The following DNAH11 variants were observed in gnomAD, a reference collection of about 807,000 sequenced individuals.
DNAH11 encodes the protein dynein axonemal heavy chain 11.
Under a neutral mutation model 526.0 loss-of-function variants are expected in DNAH11, and 442 were observed. The ratio of observed to expected loss-of-function variants is 0.84; its 90% confidence interval spans 0.78 to 0.91. The LOEUF (loss-of-function observed/expected upper bound fraction) is 0.91. DNAH11 is among the 40% of genes least tolerant of loss of function. The pLI is 0.00. For synonymous variants in DNAH11, 2,461 were observed against 1,935.9 expected, an observed-to-expected ratio of 1.27 and a Z score of -7.12; for missense variants, 6,989 against 5,448.7, an observed-to-expected ratio of 1.28 and a Z score of -8.90.
In DNAH11 at chr7:21,582,763, A is replaced by G. The variant is rs113441653; in HGVS notation, c.1710+742A>G. 5.3e-3 allele frequency among the ~76,000 whole-genome samples: 811 copies of G among 152,298 alleles called. 15 individuals are homozygous for G. The highest frequency in any genetic ancestry group is 0.019 in the African/African-American group (770 of 41,572). The stretch of plus-strand genomic sequence containing the variant: ...AATTAGATAACGTCCCAAAAGAGGG[A>G]TGGAGGGTTCAATATCAGAAGAAAA... On this transcript the variant is annotated intron_variant, in intron 9 of 81. Coordinates refer to ENST00000409508, the MANE Select transcript of DNAH11 (RefSeq NM_001277115.2).
intron 6 of DNAH11, among the ~76,000 whole-genome samples, chr7:21,565,719 C>T (rs755626795): frequency 6.6e-6 from 1 of 152,164 alleles, no homozygotes; most frequent in Non-Finnish European, 1.5e-5. Flanking sequence ...ATGCCTAGTC[C>T]ATGGCTATTG....
At chr7:21,544,005 C>T (rs988557155) in intron 1 of DNAH11, among the ~76,000 whole-genome samples, 2 of 152,116 alleles carry the variant, frequency 1.3e-5, no homozygotes, top group Non-Finnish European at 1.5e-5. Context: ...GCATGTAACT[C>T]GTCACGTATT....
At position 21,793,615 on chromosome 7, in the gene DNAH11, C is replaced by CAAA. The variant is rs35648252; in HGVS notation, c.10026+4287_10026+4289dup. 7.7e-3 allele frequency among the ~76,000 whole-genome samples: 813 copies of CAAA among 106,024 alleles called. 10 individuals carry two copies. Among genetic ancestry groups the CAAA allele is most frequent in the African/African-American group, 0.023 (683 of 29,504 alleles). The allele number at this position is 106,024 out of a possible 152,430, so 69.6% of individuals were successfully genotyped here. ...TGGATGACAGAGTGAGACTCTGTCT[C>CAAA]AAAAAAAAAAAAAAAAGAATTTGTA... is the stretch of plus-strand genomic sequence containing the variant. On this transcript the variant is annotated intron_variant, in intron 61 of 81. Coordinates refer to ENST00000409508, the MANE Select transcript of DNAH11 (RefSeq NM_001277115.2).
Position 21,570,403 on chromosome 7 carries a change from G to C in DNAH11, c.1425+104G>C, listed in dbSNP as rs1010905123. ...CAGTTTACTTTATATCATAGGTGGA[G>C]GTCTCCTTTCTCAGTGATTCTCATA... On this transcript the variant is annotated intron_variant, in intron 7 of 81. Coordinates refer to ENST00000409508, the MANE Select transcript of DNAH11 (RefSeq NM_001277115.2). 12 of 918,558 alleles carry C rather than the reference G, an allele frequency of 1.3e-5. No individual in the cohort carries two copies. In the Admixed American group the frequency reaches 2.9e-4, roughly 22 times the overall value. The allele number at this position is 918,558 out of a possible 1,614,324, so 56.9% of individuals were successfully genotyped here.
At chr7:21,723,942 C>T (rs181968803) in intron 44 of DNAH11, among the ~76,000 whole-genome samples, 1 of 152,316 alleles carries the variant, frequency 6.6e-6, no homozygotes, top group African/African-American at 2.4e-5. Context: ...TTGATGTCTG[C>T]GTTTGTTGGC....
chr7:21,559,877 ACT>A (rs1188029488), intron 4 of DNAH11, 85 bp downstream of exon 4: 2 of 1,168,442 alleles, frequency 1.7e-6, no homozygotes, highest in African/African-American at 3.1e-5. Flanking sequence ...GATTTAACAC[ACT>A]GTCTTTGTAT....
intron 2 of DNAH11, among the ~76,000 whole-genome samples, chr7:21,555,561 G>A (rs1183067275): frequency 2.0e-5 from 3 of 152,202 alleles, no homozygotes; most frequent in African/African-American, 7.2e-5. Context: ...TATGGATTGG[G>A]ATTCGAACTC....
chr7:21,758,539 C>T (rs1327756814), intron 54 of DNAH11, among the ~76,000 whole-genome samples: 1 of 152,038 alleles, frequency 6.6e-6, no homozygotes, highest in Admixed American at 6.6e-5. Flanking sequence ...CTAGAGCCAC[C>T]TCATTCAATC....
At chr7:21,822,482 A>G (rs888925596) in intron 65 of DNAH11, among the ~76,000 whole-genome samples, 1 of 152,192 alleles carries the variant, frequency 6.6e-6, no homozygotes, top group Non-Finnish European at 1.5e-5. Context: ...ACATTTCAAC[A>G]TGAGATTTGG....
intron 61 of DNAH11, among the ~76,000 whole-genome samples, chr7:21,794,761 G>A (rs73277737): frequency 0.011 from 1,693 of 152,076 alleles, 41 homozygotes; most frequent in African/African-American, 0.038. Context: ...TTTTGTCTCT[G>A]TAGGCACTTG....
At chr7:21,621,905 G>A (rs1213784414) in intron 25 of DNAH11, among the ~76,000 whole-genome samples, 4 of 152,002 alleles carry the variant, frequency 2.6e-5, no homozygotes, top group Non-Finnish European at 4.4e-5. Flanking sequence ...TTGAAAACTG[G>A]CACGAGACAG....
At chr7:21,820,331 G>A (rs1490591520) in intron 65 of DNAH11, among the ~76,000 whole-genome samples, 2 of 152,310 alleles carry the variant, frequency 1.3e-5, no homozygotes, top group East Asian at 1.9e-4. Context: ...AAGCAGAACC[G>A]TTGGTGTGGT....
chr7:21,613,264 G>T (rs909283059), intron 20 of DNAH11, among the ~76,000 whole-genome samples: 1 of 152,044 alleles, frequency 6.6e-6, no homozygotes, highest in African/African-American at 2.4e-5. Flanking sequence ...TTAACATTTA[G>T]CGCTTAGCAA....
intron 79 of DNAH11, among the ~76,000 whole-genome samples, chr7:21,896,613 T>C (rs1293404351): frequency 2.6e-5 from 4 of 152,260 alleles, no homozygotes; most frequent in Non-Finnish European, 4.4e-5. Flanking sequence ...CTTAGCACTT[T>C]TTTCTCTGAA....
At chr7:21,638,806 GA>G in intron 27 of DNAH11, 132 bp from the exon 28 acceptor site, 1 of 1,055,852 alleles carries the variant, frequency 9.5e-7, no homozygotes, top group Non-Finnish European at 1.4e-6. Context: ...GTGTAAAAAA[GA>G]AGGAAGTAAG....
At chr7:21,680,804 T>A (rs1395091246) in intron 30 of DNAH11, among the ~76,000 whole-genome samples, 1 of 152,252 alleles carries the variant, frequency 6.6e-6, no homozygotes, top group Non-Finnish European at 1.5e-5. Flanking sequence ...ATCACTATCT[T>A]GTATTTTTAA....
chr7:21,892,861 C>T (rs1352158002), intron 77 of DNAH11, among the ~76,000 whole-genome samples, 194 bp downstream of exon 77: 1 of 152,110 alleles, frequency 6.6e-6, no homozygotes, highest in Non-Finnish European at 1.5e-5. Context: ...TACCCCTCAC[C>T]TCCCCCAGAG....
At chr7:21,559,576 A>G (rs768896027) in intron 3 of DNAH11, 27 bp from the exon 4 acceptor site, 11 of 1,524,794 alleles carry the variant, frequency 7.2e-6, no homozygotes, top group Non-Finnish European at 8.0e-6. Flanking sequence ...TCATCTTTGA[A>G]TTATTTTATT....
rs577887007 is a variant in DNAH11 at position 21,768,549 on chromosome 7, C to T, written c.9102+2960C>T. ...GAGGTCATCTTTGGGGGCATGTTGA[C>T]CAACCGATGAGTTAAAATCCTCTGT... On this transcript the variant is annotated intron_variant, in intron 55 of 81. Coordinates refer to ENST00000409508, the MANE Select transcript of DNAH11 (RefSeq NM_001277115.2). 2.0e-3 allele frequency among the ~76,000 whole-genome samples: 307 copies of T among 152,216 alleles called. No individual in the cohort carries two copies. Among genetic ancestry groups the T allele is most frequent in the Admixed American group, 5.4e-3 (83 of 15,292 alleles).
Sources: allele counts gnomAD v4.1 joint callset (sites outside exome capture counted in the v4.1 genomes callset), GRCh38; gene constraint gnomAD v4.1.1; transcripts MANE v1.5; gene names NCBI Gene and HGNC (gene_info 2026-07-23, HGNC 2026-07-21).